The following CMTR1 variants were observed in gnomAD, a reference collection of about 807,000 sequenced individuals.
CMTR1 encodes the protein cap-specific mRNA (nucleoside-2'-O-)-methyltransferase 1.
Under a neutral mutation model 107.0 loss-of-function variants are expected in CMTR1, and 39 were observed. The ratio of observed to expected loss-of-function variants is 0.36; its 90% CI spans 0.28 to 0.48. The LOEUF is 0.48. Ranked by LOEUF, CMTR1 falls within the 20% of genes least tolerant of loss-of-function variation. The probability of loss-of-function intolerance (pLI) is 0.99; values close to 1 mark genes in which losing one functional copy is unlikely to be tolerated. For missense variants in CMTR1, 672 were observed against 1,064.9 expected (o/e 0.63, Z 5.14); for synonymous variants, 366 against 379.5 (o/e 0.96, Z 0.41).
intron 14 of CMTR1, among the ~76,000 whole-genome samples, 162 bp from the exon 15 acceptor site, chr6:37,471,685 G>A (rs1193577095): frequency 6.6e-6 from 1 of 152,180 alleles, no homozygotes; most frequent in Non-Finnish European, 1.5e-5. Flanking sequence ...GGAGAGCCTT[G>A]CATGTGTTGT....
chr6:37,455,430 G>GA (rs1217603518), intron 8 of CMTR1, among the ~76,000 whole-genome samples: 1 of 152,228 alleles, frequency 6.6e-6, no homozygotes, highest in East Asian at 1.9e-4. Flanking sequence ...TGGTAAAGGA[G>GA]AAAGGGGGCA....
In CMTR1 at chr6:37,462,815, G is replaced by A; in HGVS notation, c.1326-14G>A. The stretch of plus-strand genomic sequence containing the variant: ...AGCCCTTGCTCGGTGGAGTGACAGA[G>A]TATCTTCTGCCAGGTATGTGGTGTG... On this transcript the variant is annotated splice_polypyrimidine_tract_variant and intron_variant, in intron 12 of 23. Coordinates refer to ENST00000373451, the MANE Select transcript of CMTR1 (RefSeq NM_015050.3). The A allele has an allele frequency of 3.7e-6, 6 of 1,611,058 alleles. No homozygotes were observed. Among genetic ancestry groups the A allele is most frequent in the South Asian group, 1.1e-5 (1 of 90,950 alleles).
Position 37,480,954 on chromosome 6 carries a change from CAGGGGCCCCAGCAGT to C in CMTR1, c.*811_*825del, listed in dbSNP as rs1265428826. The C allele has an allele frequency of 8.0e-7, 1 of 1,248,436 alleles. No individual in the cohort carries two copies. Among genetic ancestry groups the C allele is most frequent in the Non-Finnish European group, 1.0e-6 (1 of 967,896 alleles). 77.3% of individuals were successfully genotyped at this position (1,248,436 alleles called of 1,614,324 possible). On this transcript the variant is annotated 3_prime_UTR_variant, in exon 24 of 24. Transcript: ENST00000373451. ...AAGACCCGTCTTTCCCCCACAGCAG[CAGGGGCCCCAGCAGT>C]AACAAAGGGTACCTCCAGGGGTTTG... is the stretch of plus-strand genomic sequence containing the variant.
chr6:37,448,622 T>G (rs1313732208), intron 4 of CMTR1, among the ~76,000 whole-genome samples: 1 of 152,250 alleles, frequency 6.6e-6, no homozygotes, highest in East Asian at 1.9e-4. Flanking sequence ...TTGATGCTGG[T>G]TGGCTTGCCC....
Position 37,472,515 on chromosome 6 carries a change from A to C in CMTR1, c.1689+28A>C. 1 of 1,606,582 alleles carries C rather than the reference A, an allele frequency of 6.2e-7. No homozygotes were observed. The highest frequency in any genetic ancestry group is 1.3e-5 in the African/African-American group (1 of 74,854). Reference sequence around the variant, plus strand: ...AAGACTGGTATCTGTGGTGGACATAAAAAGTTAGAGATCTGTCTCTAGATG... The same window carrying C: ...AAGACTGGTATCTGTGGTGGACATACAAAGTTAGAGATCTGTCTCTAGATG... On this transcript the variant is annotated intron_variant, in intron 16 of 23. Coordinates refer to ENST00000373451, the MANE Select transcript of CMTR1 (RefSeq NM_015050.3). This position sits in a 1 kb window ranked among gnomAD's most constrained non-coding sequence, Gnocchi z 4.1.
chr6:37,476,266 G>A, intron 20 of CMTR1, 72 bp downstream of exon 20: 2 of 1,513,754 alleles, frequency 1.3e-6, no homozygotes, highest in South Asian at 1.1e-5. Flanking sequence ...GTGAGGGACA[G>A]GAGGGCTCAG....
intron 21 of CMTR1, 64 bp from the exon 22 acceptor site, chr6:37,478,345 A>C: frequency 8.0e-7 from 1 of 1,255,650 alleles, no homozygotes; most frequent in Non-Finnish European, 1.2e-6. Flanking sequence ...TTTATTAGTC[A>C]GAGACTAATT....
rs1003070312 is a variant in CMTR1, at chr6:37,441,811, G to A, written c.134-2188G>A. Among the ~76,000 whole-genome samples, 12 of 152,234 alleles carry A rather than the reference G, an allele frequency of 7.9e-5. No homozygotes were observed. In the South Asian group the frequency reaches 2.3e-3, roughly 29 times the overall value. ...ATCAGTTCACCTCTCAGTTTCCATG[G>A]TTACTCATTCTTAGTGGTCTGGGTT... On this transcript the variant is annotated intron_variant, in intron 2 of 23. Coordinates refer to ENST00000373451, the MANE Select transcript of CMTR1 (RefSeq NM_015050.3).
At position 37,458,566 on chromosome 6, in the gene CMTR1, G is replaced by C; in HGVS notation, c.778-46G>C. The C allele has an allele frequency of 6.3e-7, 1 of 1,587,768 alleles. No individual in the cohort carries two copies. The highest frequency in any genetic ancestry group is 8.6e-7 in the Non-Finnish European group (1 of 1,161,066). ...CATTCTCCTTCCTGTTGCCCATTGA[G>C]CTGTCTTGTTTTCCTTCCTCTCCTG... On this transcript the variant is annotated intron_variant, in intron 8 of 23. Transcript: ENST00000373451. The surrounding 1 kb of genome is among the most constrained non-coding windows in gnomAD (Gnocchi z 4.7).
At chr6:37,455,453 TAAA>T (rs1211702148) in intron 8 of CMTR1, among the ~76,000 whole-genome samples, 1 of 151,946 alleles carries the variant, frequency 6.6e-6, no homozygotes, top group African/African-American at 2.4e-5. Context: ...GGGAGGAAAA[TAAA>T]GAAGCTATAA....
At position 37,479,645 on chromosome 6, in the gene CMTR1, G is replaced by A. The variant is rs915868710; in HGVS notation, c.2376-368G>A. 6.6e-5 allele frequency among the ~76,000 whole-genome samples: 10 copies of A among 152,310 alleles called. No homozygotes were observed. The South Asian group carries it at 1.0e-3, about 16-fold the overall frequency. On this transcript the variant is annotated intron_variant, in intron 23 of 23. Coordinates refer to ENST00000373451, the MANE Select transcript of CMTR1 (RefSeq NM_015050.3). ...TCCCAGCTGTCCCTCATTAGGACCC[G>A]GTGTCCATTAGTCAGACTGTTGGTC...
At chr6:37,466,519 T>C (rs1228716941) in intron 13 of CMTR1, among the ~76,000 whole-genome samples, 1 of 152,204 alleles carries the variant, frequency 6.6e-6, no homozygotes, top group Admixed American at 6.5e-5. Flanking sequence ...AGGGTCCTTC[T>C]GCATGTGAAT....
At chr6:37,463,234 C>G (rs931876907) in intron 13 of CMTR1, among the ~76,000 whole-genome samples, 9 of 152,156 alleles carry the variant, frequency 5.9e-5, no homozygotes, top group Non-Finnish European at 1.2e-4. Context: ...AGGTGCCTGG[C>G]TAGTATAGGC....
chr6:37,443,283 CTAA>C (rs966948303), intron 2 of CMTR1, among the ~76,000 whole-genome samples: 26 of 151,994 alleles, frequency 1.7e-4, no homozygotes, highest in African/African-American at 6.3e-4. Context: ...TATTGATGTT[CTAA>C]TAATAACCAC....
At chr6:37,469,434 G>T (rs562664486) in intron 13 of CMTR1, among the ~76,000 whole-genome samples, 1 of 149,880 alleles carries the variant, frequency 6.7e-6, no homozygotes, top group South Asian at 2.1e-4. Flanking sequence ...TCTGCTTGGG[G>T]TTCATTGACC....
chr6:37,435,647 C>G lies in CMTR1; in HGVS notation c.18C>G (p.Asp6Glu). 1 of 1,600,808 alleles carries G rather than the reference C, an allele frequency of 6.2e-7. No individual in the cohort carries two copies. Among genetic ancestry groups the G allele is most frequent in the Non-Finnish European group, 8.5e-7 (1 of 1,174,710 alleles). Residue 6 changes from aspartate to glutamate, a missense_variant, in exon 2 of 24, where the codon GAC becomes GAG. This residue lies in a region of CMTR1 where 89 missense variants were observed against 96.6 expected (regional missense o/e 0.92). Transcript: ENST00000373451. ...AGTTAACGATGAAGAGGAGAACTGA[C>G]CCAGAATGCACTGCCCCCATCAAGA... MKRRT[D>E]PECTAPIKKQ...
In CMTR1 at chr6:37,473,496, C is replaced by T; in HGVS notation, c.1716C>T (p.Tyr572=). The part of the protein sequence containing the change: ...IQGTEIDIFS[Y]KPTLLTSKTL... ...GCACTGAGATTGACATCTTCAGCTA[C>T]AAGCCCACACTGCTCACCTCTAAAA... is the stretch of plus-strand genomic sequence containing the variant. Residue 572 remains tyrosine (Y), a synonymous_variant, in exon 17 of 24, where the codon TAC becomes TAT. Coordinates refer to ENST00000373451, the MANE Select transcript of CMTR1 (RefSeq NM_015050.3). The T allele has an allele frequency of 6.2e-7, 1 of 1,613,850 alleles. No homozygotes were observed. The highest frequency in any genetic ancestry group is 8.5e-7 in the Non-Finnish European group (1 of 1,179,896).
rs149082094 is a variant in CMTR1 at position 37,434,730 on chromosome 6, T to G, written c.-6-894T>G. Among the ~76,000 whole-genome samples, 300 of 152,096 alleles carry G rather than the reference T, an allele frequency of 2.0e-3. 1 individual carries two copies. Among genetic ancestry groups the G allele is most frequent in the Non-Finnish European group, 3.8e-3 (259 of 67,980 alleles). On this transcript the variant is annotated intron_variant, in intron 1 of 23. Transcript: ENST00000373451. ...CCTCCGCCTCAGCAATTCAAGCGGT[T>G]CTCCTGAGTAGCTGGGACTACAGGC...
At chr6:37,435,868 G>A in intron 2 of CMTR1, 106 bp downstream of exon 2, 1 of 1,232,334 alleles carries the variant, frequency 8.1e-7, no homozygotes, top group Non-Finnish European at 1.1e-6. Context: ...TTGGTCCCTT[G>A]AGGAAAATTA....
Sources: allele counts gnomAD v4.1 joint callset (sites outside exome capture counted in the v4.1 genomes callset), GRCh38; gene constraint gnomAD v4.1.1; regional missense constraint gnomAD v4.1.1; non-coding constraint Gnocchi (gnomAD v3.1); transcripts MANE v1.5; gene names NCBI Gene and HGNC (gene_info 2026-07-23, HGNC 2026-07-21).